Variants in NEBL observed in about 807,000 individuals in gnomAD.
NEBL encodes the protein nebulette.
In NEBL, 122 loss-of-function variants were observed where a neutral mutation model predicts 140.2. The ratio of observed to expected loss-of-function variants is 0.87; its 90% confidence interval spans 0.75 to 1.01. The LOEUF is 1.01. NEBL is among the 50% of genes least tolerant of loss of function. The probability of loss-of-function intolerance (pLI) is 0.00; values close to 1 mark genes in which losing one functional copy is unlikely to be tolerated. For synonymous variants in NEBL, 436 were observed against 398.9 expected (o/e 1.09, Z -1.11); for missense variants, 1,365 against 1,231.3 (o/e 1.11, Z -1.62).
At chr10:21,236,720 A>G (rs1380990271) in intron 3 of NEBL, among the ~76,000 whole-genome samples, 1 of 152,150 alleles carries the variant, frequency 6.6e-6, no homozygotes, top group East Asian at 1.9e-4. Flanking sequence ...ATAAATTTAA[A>G]TCTGACGTAA....
At chr10:21,278,168 T>C (rs536581614) in intron 1 of NEBL, among the ~76,000 whole-genome samples, 1 of 152,306 alleles carries the variant, frequency 6.6e-6, no homozygotes, top group South Asian at 2.1e-4. Context: ...GAGCCGGGCA[T>C]GGTGGTGCAC....
chr10:20,885,979 A>T (rs942351484), intron 4 of NEBL, among the ~76,000 whole-genome samples: 1 of 152,246 alleles, frequency 6.6e-6, no homozygotes, highest in African/African-American at 2.4e-5. Flanking sequence ...ATAGTGAAAC[A>T]CTTAAAGGTG....
intron 22 of NEBL, among the ~76,000 whole-genome samples, chr10:20,814,377 C>T (rs1838488710): frequency 6.6e-6 from 1 of 151,598 alleles, no homozygotes; most frequent in South Asian, 2.1e-4. Flanking sequence ...GGGAGGATGA[C>T]TTGAGGCCTG....
intron 27 of NEBL, among the ~76,000 whole-genome samples, chr10:20,786,636 G>A (rs892525601): frequency 3.9e-5 from 6 of 152,174 alleles, no homozygotes; most frequent in African/African-American, 1.4e-4. Flanking sequence ...ACCGGACAGT[G>A]TAGAAGAGTT....
intron 7 of NEBL, 45 bp downstream of exon 7, chr10:20,868,619 A>AAATATCTG: frequency 7.7e-7 from 1 of 1,303,832 alleles, no homozygotes; most frequent in Non-Finnish European, 1.1e-6. Context: ...GTTAGAAACA[A>AAATATCTG]AATATCTGAA....
intron 11 of NEBL, among the ~76,000 whole-genome samples, chr10:20,848,756 A>C (rs1842200918): frequency 6.6e-6 from 1 of 152,160 alleles, no homozygotes; most frequent in East Asian, 1.9e-4. Flanking sequence ...CCATGGAAAA[A>C]TTGTCTTCCA....
chr10:20,945,229 C>T (rs967775863), intron 4 of NEBL, among the ~76,000 whole-genome samples: 1 of 152,122 alleles, frequency 6.6e-6, no homozygotes, highest in African/African-American at 2.4e-5. Context: ...CTTAAAAACT[C>T]ATCTCAGGAC....
chr10:21,181,010 C>T (rs1841377842), intron 3 of NEBL, among the ~76,000 whole-genome samples: 1 of 151,774 alleles, frequency 6.6e-6, no homozygotes, highest in South Asian at 2.1e-4. Context: ...ATCTGTAATC[C>T]CAGCATTTTG....
intron 26 of NEBL, chr10:20,793,230 T>A (rs1009326618): frequency 1.2e-4 from 52 of 449,496 alleles, no homozygotes; most frequent in African/African-American, 8.8e-4. Context: ...TGCTCTATAA[T>A]TGAGTTAAAA....
rs960476662 is a variant in NEBL, at chr10:21,212,855, C to T, written n.348+35066G>A. Among the ~76,000 whole-genome samples the T allele has an allele frequency of 3.9e-5, 6 of 152,156 alleles. No individual in the cohort carries two copies. The East Asian group carries it at 9.6e-4, about 24-fold the overall frequency. On this transcript the variant is annotated intron_variant and non_coding_transcript_variant, in intron 3 of 8. Transcript: ENST00000675702. ...GTGTCAATACTTCAAAACATTCAGT[C>T]AGTTAACTCGATTCAGTCAAAAATT...
rs761242078 is a variant in NEBL, at chr10:20,823,281, A to G, written c.1889T>C (p.Ile630Thr). 10 of 1,607,666 alleles carry G rather than the reference A, an allele frequency of 6.2e-6. No homozygotes were observed. The highest frequency in any genetic ancestry group is 2.2e-5 in the East Asian group (1 of 44,732). ...ATCAGAAATGGCTGTTGCATGTTTAATCTCTTCTTTGTATTTCACCTGCAT... is the reference window on the plus strand; with the variant it reads ...ATCAGAAATGGCTGTTGCATGTTTAGTCTCTTCTTTGTATTTCACCTGCAT... ...NISSVKYKEE[I>T]KHATAISDPP... Residue 630 changes from isoleucine to threonine, a missense_variant, in exon 19 of 28, where the codon ATT (isoleucine) becomes ACT (threonine). Ile to Thr is a moderately conservative substitution (Grantham distance 89). Transcript: ENST00000377122.
intron 26 of NEBL, among the ~76,000 whole-genome samples, chr10:20,806,340 CG>C (rs1424911935): frequency 2.6e-5 from 4 of 152,164 alleles, no homozygotes; most frequent in Non-Finnish European, 5.9e-5. Context: ...AAACTGACCT[CG>C]GGTGCGGCCT....
chr10:20,954,522 T>C (rs1483050174), intron 4 of NEBL, among the ~76,000 whole-genome samples: 3 of 152,190 alleles, frequency 2.0e-5, no homozygotes, highest in Admixed American at 2.0e-4. Flanking sequence ...GATGGGGTCC[T>C]TTGTCCCACG....
At chr10:21,068,874 T>C (rs1248063140) in intron 2 of NEBL, among the ~76,000 whole-genome samples, 1 of 152,172 alleles carries the variant, frequency 6.6e-6, no homozygotes, top group African/African-American at 2.4e-5. Flanking sequence ...ATCTTCATCA[T>C]GTTTGTTGTT....
chr10:20,828,607 T>C lies in NEBL; in HGVS notation c.1699A>G (p.Met567Val). 2 of 1,585,848 alleles carry C rather than the reference T, an allele frequency of 1.3e-6. No homozygotes were observed. Among genetic ancestry groups the C allele is most frequent in the Non-Finnish European group, 1.7e-6 (2 of 1,154,852 alleles). The change falls in exon 17 of 28, where the codon ATG becomes GTG. Residue 567 changes from methionine (M) to valine (V), a missense_variant. This residue lies in a region of NEBL where 1,323 missense variants were observed against 1,154.8 expected (regional missense o/e 1.15). Transcript: ENST00000377122. ...GCTATGGTAGAATAGTTAGAAAGCA[T>C]CTTCTCTGCTTCATCTTTATACTTT... ...QRKYKDEAEK[M>V]LSNYSTIADT...
At chr10:21,225,600 AC>A (rs911241534) in intron 3 of NEBL, among the ~76,000 whole-genome samples, 41 of 152,200 alleles carry the variant, frequency 2.7e-4, no homozygotes, top group Admixed American at 2.4e-3. Flanking sequence ...AAGCCACTAG[AC>A]AAAGTTCTTC....
intron 3 of NEBL, among the ~76,000 whole-genome samples, chr10:20,965,461 C>T (rs1198284479): frequency 6.6e-6 from 1 of 152,096 alleles, no homozygotes; most frequent in Non-Finnish European, 1.5e-5. Flanking sequence ...GCTATGCAGG[C>T]AGAGGGAACA....
At chr10:20,961,965 C>T (rs1478311443) in intron 3 of NEBL, among the ~76,000 whole-genome samples, 1 of 152,162 alleles carries the variant, frequency 6.6e-6, no homozygotes, top group Non-Finnish European at 1.5e-5. Flanking sequence ...ACTCCACTTA[C>T]CATTTGTGTG....
intron 1 of NEBL, among the ~76,000 whole-genome samples, chr10:21,257,817 G>A (rs1190362178): frequency 2.0e-5 from 3 of 151,996 alleles, no homozygotes; most frequent in East Asian, 3.9e-4. Context: ...ACCAGGAGGT[G>A]GAGCTTGCAG....
Sources: gnomAD v4.1 joint callset for allele counts (sites outside exome capture counted in the v4.1 genomes callset) on GRCh38, gnomAD v4.1.1 for gene constraint, gnomAD v4.1.1 regional missense constraint, MANE v1.5 for transcripts, NCBI Gene and HGNC (gene_info 2026-07-23, HGNC 2026-07-21) for gene names.